The following TEAD1 variants were observed in gnomAD, a reference collection of about 807,000 sequenced individuals.
TEAD1 encodes the protein transcriptional enhancer factor TEF-1.
In TEAD1, 9 loss-of-function variants were observed where a neutral mutation model predicts 54.9. The observed-to-expected ratio is 0.16, with a 90% confidence interval of 0.10 to 0.29. The LOEUF (loss-of-function observed/expected upper bound fraction) is 0.29, where lower values mean the gene tolerates loss of function less well. Ranked by LOEUF, TEAD1 falls within the 10% of genes least tolerant of loss-of-function variation. TEAD1 has a pLI of 1.00. For synonymous variants in TEAD1, 200 were observed against 187.8 expected (o/e 1.07, Z -0.53); for missense variants, 387 against 535.9 (o/e 0.72, Z 2.74).
intron 3 of TEAD1, among the ~76,000 whole-genome samples, chr11:12,784,309 T>C (rs932566702): frequency 6.6e-6 from 1 of 152,030 alleles, no homozygotes; most frequent in Non-Finnish European, 1.5e-5. Flanking sequence ...AGTTTTGAGT[T>C]GTATGGAGTT....
chr11:12,749,278 T>A (rs1944814958), intron 2 of TEAD1, among the ~76,000 whole-genome samples: 1 of 152,164 alleles, frequency 6.6e-6, no homozygotes, highest in Non-Finnish European at 1.5e-5. Flanking sequence ...TGGCCATTTG[T>A]ACGTGTAATT....
chr11:12,826,040 A>G (rs1000876496), intron 3 of TEAD1, among the ~76,000 whole-genome samples: 19 of 152,226 alleles, frequency 1.2e-4, no homozygotes, highest in Admixed American at 2.6e-4. Flanking sequence ...ATCCTAGGCT[A>G]AAGTGTAGAA....
chr11:12,698,397 T>C (rs564652156), intron 2 of TEAD1, among the ~76,000 whole-genome samples: 35 of 152,034 alleles, frequency 2.3e-4, no homozygotes, highest in Non-Finnish European at 4.6e-4. Flanking sequence ...GGTAAAGGAA[T>C]TGTTTAAACT....
At chr11:12,778,778 GA>G (rs1388683980) in intron 3 of TEAD1, among the ~76,000 whole-genome samples, 2 of 152,054 alleles carry the variant, frequency 1.3e-5, no homozygotes, top group East Asian at 3.9e-4. Flanking sequence ...ACATTTTAAT[GA>G]AACAACAAGG....
chr11:12,843,418 A>G (rs1411098181), intron 3 of TEAD1, among the ~76,000 whole-genome samples: 1 of 152,218 alleles, frequency 6.6e-6, no homozygotes, highest in Admixed American at 6.5e-5. Context: ...TTTTAAACGC[A>G]TTTTTGTGGA....
At chr11:12,818,658 C>A (rs879283495) in intron 3 of TEAD1, among the ~76,000 whole-genome samples, 1 of 152,186 alleles carries the variant, frequency 6.6e-6, no homozygotes, top group Non-Finnish European at 1.5e-5. Flanking sequence ...CCTTTGCTGT[C>A]AGAGGAGGTT....
intron 4 of TEAD1, among the ~76,000 whole-genome samples, chr11:12,863,400 A>C (rs1947548439): frequency 6.6e-6 from 1 of 152,166 alleles, no homozygotes; most frequent in Non-Finnish European, 1.5e-5. Context: ...GAAGAACAAA[A>C]TTCGGGTGAA....
chr11:12,689,225 C>T (rs1418364397), intron 2 of TEAD1, among the ~76,000 whole-genome samples: 1 of 152,064 alleles, frequency 6.6e-6, no homozygotes, highest in African/African-American at 2.4e-5. Flanking sequence ...TACATTTCAC[C>T]AAAAATGGTC....
intron 10 of TEAD1, among the ~76,000 whole-genome samples, chr11:12,918,912 T>A (rs1948759866): frequency 6.6e-6 from 1 of 152,186 alleles, no homozygotes; most frequent in African/African-American, 2.4e-5. Flanking sequence ...TGCTTAAAGT[T>A]CAGAAACCAG....
chr11:12,844,599 G>A (rs2099744), intron 3 of TEAD1, among the ~76,000 whole-genome samples: 96,537 of 152,002 alleles, frequency 0.64, 32,521 homozygotes, highest in East Asian at 0.77. Context: ...AATCTCCACA[G>A]CAATATGGCA....
intron 3 of TEAD1, among the ~76,000 whole-genome samples, chr11:12,843,277 C>T (rs1947076267): frequency 6.6e-6 from 1 of 152,094 alleles, no homozygotes; most frequent in South Asian, 2.1e-4. Flanking sequence ...CTATAGATCC[C>T]CTCAGATTGG....
chr11:12,838,998 G>C (rs1946967701), intron 3 of TEAD1, among the ~76,000 whole-genome samples: 1 of 152,070 alleles, frequency 6.6e-6, no homozygotes, highest in Non-Finnish European at 1.5e-5. Context: ...CAAAAGACAC[G>C]TCACCACACA....
intron 3 of TEAD1, among the ~76,000 whole-genome samples, chr11:12,858,189 A>C (rs1947430287): frequency 6.6e-6 from 1 of 152,216 alleles, no homozygotes; most frequent in South Asian, 2.1e-4. Context: ...TAGTTGATAC[A>C]CCATGCATAT....
chr11:12,681,017 G>C (rs970564599), intron 2 of TEAD1, among the ~76,000 whole-genome samples: 1 of 152,156 alleles, frequency 6.6e-6, no homozygotes, highest in Non-Finnish European at 1.5e-5. Context: ...ATTGTGAGCC[G>C]ATGCTTCCTT....
chr11:12,684,278 A>T (rs1943287031), intron 2 of TEAD1, among the ~76,000 whole-genome samples: 1 of 152,246 alleles, frequency 6.6e-6, no homozygotes. Flanking sequence ...TTCCTTACCC[A>T]GTATGAATTA....
At chr11:12,682,031 T>C (rs1013843037) in intron 2 of TEAD1, among the ~76,000 whole-genome samples, 2 of 152,138 alleles carry the variant, frequency 1.3e-5, no homozygotes, top group African/African-American at 4.8e-5. Context: ...AGGTGCGTTG[T>C]GGTAGGTGCA....
chr11:12,830,540 A>T (rs1037224998), intron 3 of TEAD1, among the ~76,000 whole-genome samples: 1 of 151,650 alleles, frequency 6.6e-6, no homozygotes, highest in Middle Eastern at 3.3e-3. Flanking sequence ...TGTCTGGGAG[A>T]CTGCAGCCTC....
intron 10 of TEAD1, among the ~76,000 whole-genome samples, chr11:12,914,459 A>C (rs1948674240): frequency 6.6e-6 from 1 of 152,206 alleles, no homozygotes; most frequent in South Asian, 2.1e-4. Context: ...TGGGCAGGGC[A>C]TAAGGGCCGA....
rs776385103 is a variant in TEAD1 at position 12,925,078 on chromosome 11, A to T, written c.1014+26A>T. 5.0e-6 allele frequency: 8 copies of T among 1,613,282 alleles called. No homozygotes were observed. The African/African-American group carries it at 6.7e-5, about 13-fold the overall frequency. On this transcript the variant is annotated intron_variant, in intron 11 of 12. Transcript: ENST00000527636. The stretch of plus-strand genomic sequence containing the variant: ...GTAAGTTGGCCTCTGTATACTGGAA[A>T]CTTCATTCAAGGGCAGACTGTTGCC...
Sources: gnomAD v4.1 joint callset for allele counts (sites outside exome capture counted in the v4.1 genomes callset) on GRCh38, gnomAD v4.1.1 for gene constraint, MANE v1.5 for transcripts, NCBI Gene and HGNC (gene_info 2026-07-23, HGNC 2026-07-21) for gene names.